Variants in ATG2B observed in about 807,000 individuals in gnomAD.
ATG2B encodes the protein autophagy-related protein 2 homolog B.
A neutral mutation model predicts 241.3 loss-of-function variants in ATG2B; 121 were observed. The observed-to-expected ratio is 0.50, with a 90% confidence interval of 0.43 to 0.58. ATG2B has a LOEUF of 0.58. Ranked by LOEUF, ATG2B falls within the 20% of genes least tolerant of loss-of-function variation. The pLI is 0.00. For synonymous variants in ATG2B, 858 were observed against 876.6 expected (o/e 0.98, Z 0.37); for missense variants, 2,306 against 2,491.6 (o/e 0.93, Z 1.59).
At chr14:96,312,495 C>T (rs952875296) in intron 25 of ATG2B, among the ~76,000 whole-genome samples, 4 of 152,018 alleles carry the variant, frequency 2.6e-5, no homozygotes, top group Non-Finnish European at 5.9e-5. Flanking sequence ...TAATCCCAGC[C>T]GTTTGGGAGG....
intron 14 of ATG2B, among the ~76,000 whole-genome samples, chr14:96,326,282 G>A (rs1887586799): frequency 6.6e-6 from 1 of 152,126 alleles, no homozygotes; most frequent in Non-Finnish European, 1.5e-5. Flanking sequence ...AAAAATCACT[G>A]TAGTGTCCAA....
At chr14:96,316,401 G>A in intron 21 of ATG2B, 132 bp downstream of exon 21, 1 of 871,786 alleles carries the variant, frequency 1.1e-6, no homozygotes, top group South Asian at 1.6e-5. Context: ...ATATTACTTT[G>A]ACAGCAGAAT....
At chr14:96,353,014 ATTT>A (rs1314294950) in intron 1 of ATG2B, among the ~76,000 whole-genome samples, 1 of 152,102 alleles carries the variant, frequency 6.6e-6, no homozygotes, top group African/African-American at 2.4e-5. Flanking sequence ...TAAAATTTTT[ATTT>A]TTTATATTTT....
intron 1 of ATG2B, among the ~76,000 whole-genome samples, chr14:96,356,165 C>T (rs866950080): frequency 1.3e-4 from 7 of 55,296 alleles, no homozygotes; most frequent in South Asian, 1.1e-3. Flanking sequence ...AGCAAGAATG[C>T]GGCTCAAAAA....
chr14:96,291,983 G>C (rs747535505), intron 37 of ATG2B, 46 bp downstream of exon 37: 2 of 1,308,400 alleles, frequency 1.5e-6, no homozygotes, highest in African/African-American at 3.0e-5. Context: ...GCTCATTAGA[G>C]AAACATATGA....
chr14:96,354,039 A>G (rs1369786239), intron 1 of ATG2B, among the ~76,000 whole-genome samples: 1 of 152,240 alleles, frequency 6.6e-6, no homozygotes, highest in Non-Finnish European at 1.5e-5. Flanking sequence ...AATAAAAAGT[A>G]AGTCAATTTT....
chr14:96,332,733 T>A (rs1887774462), intron 8 of ATG2B, 78 bp from the exon 9 acceptor site: 2 of 1,163,254 alleles, frequency 1.7e-6, no homozygotes, highest in Non-Finnish European at 2.3e-6. Context: ...TATACGTTAA[T>A]ACAATCCTCT....
intron 14 of ATG2B, among the ~76,000 whole-genome samples, chr14:96,326,702 C>A (rs1195028660): frequency 6.6e-6 from 1 of 152,144 alleles, no homozygotes; most frequent in African/African-American, 2.4e-5. Context: ...TTTGAAAACT[C>A]CCTGCATATG....
At chr14:96,307,633 A>G (rs925234066) in intron 29 of ATG2B, among the ~76,000 whole-genome samples, 1 of 151,916 alleles carries the variant, frequency 6.6e-6, no homozygotes, top group Non-Finnish European at 1.5e-5. Flanking sequence ...ACAATATTAC[A>G]ATGTGAGGGG....
intron 18 of ATG2B, among the ~76,000 whole-genome samples, chr14:96,319,984 G>T (rs1281767397): frequency 6.6e-6 from 1 of 152,094 alleles, no homozygotes; most frequent in African/African-American, 2.4e-5. Flanking sequence ...AATTCTAGGG[G>T]CCTGAGAGAC....
chr14:96,309,962 A>G (rs996689906), intron 28 of ATG2B, among the ~76,000 whole-genome samples: 1 of 152,184 alleles, frequency 6.6e-6, no homozygotes, highest in Non-Finnish European at 1.5e-5. Context: ...TCCCTTTGAC[A>G]TAAAGCCCCT....
At chr14:96,362,570 T>G (rs529617824) in intron 1 of ATG2B, among the ~76,000 whole-genome samples, 2 of 152,300 alleles carry the variant, frequency 1.3e-5, no homozygotes, top group Admixed American at 6.5e-5. Flanking sequence ...AAGCACTGAC[T>G]CAATTATTCC....
chr14:96,308,255 C>T (rs11160329), intron 29 of ATG2B, among the ~76,000 whole-genome samples: 9,685 of 28,708 alleles, frequency 0.34, 1,151 homozygotes, highest in Non-Finnish European at 0.41. Context: ...TATATATACA[C>T]ACATATATAT....
intron 29 of ATG2B, among the ~76,000 whole-genome samples, chr14:96,308,264 ATATATATATATATATATATTTT>A (rs1887040654): frequency 1.6e-4 from 2 of 12,626 alleles, no homozygotes; most frequent in African/African-American, 4.0e-4. Context: ...ACACATATAT[ATATATATATATATATATATTTT>A]TTTTTTTTTT....
intron 14 of ATG2B, among the ~76,000 whole-genome samples, chr14:96,327,096 T>C (rs1887605593): frequency 6.6e-6 from 1 of 151,958 alleles, no homozygotes; most frequent in Non-Finnish European, 1.5e-5. Context: ...CTTAACCGGG[T>C]GTGGTGGCAC....
chr14:96,304,333 A>T (rs527665436), intron 32 of ATG2B, among the ~76,000 whole-genome samples, 162 bp downstream of exon 32: 4 of 152,350 alleles, frequency 2.6e-5, no homozygotes, highest in Non-Finnish European at 5.9e-5. Context: ...TTCTTAGAAC[A>T]TTTGAGAATG....
rs1394459445 is a variant in ATG2B, at chr14:96,283,430, G to C, written c.*2325C>G. ...GAGGACTCTCACTGGACGAGGCCCA[G>C]TGGTCTGAGGCTCTGTACAAAGCAT... is the stretch of plus-strand genomic sequence containing the variant. On this transcript the variant is annotated 3_prime_UTR_variant, in exon 42 of 42. Transcript: ENST00000359933. 6.6e-6 allele frequency: 1 copy of C among 152,222 alleles called. No homozygotes were observed. The highest frequency in any genetic ancestry group is 1.5e-5 in the Non-Finnish European group (1 of 68,070). 9.4% of individuals were successfully genotyped at this position (152,222 alleles called of 1,614,324 possible).
chr14:96,348,031 C>G (rs916877117), intron 1 of ATG2B, among the ~76,000 whole-genome samples: 1 of 152,214 alleles, frequency 6.6e-6, no homozygotes, highest in African/African-American at 2.4e-5. Context: ...GATATCCACG[C>G]TCCCATGTTT....
chr14:96,281,252 G>A lies in ATG2B; in HGVS notation c.*4503C>T, dbSNP rs1270234166. On this transcript the variant is annotated 3_prime_UTR_variant, in exon 42 of 42. Transcript: ENST00000359933. ...TCTTGGTGAAAGACAAGTGTTTAAA[G>A]CAAAATCCAAAGAGTAAATATTTTA... is the stretch of plus-strand genomic sequence containing the variant. 6.6e-6 allele frequency: 1 copy of A among 152,136 alleles called. No individual in the cohort carries two copies. Among genetic ancestry groups the A allele is most frequent in the Non-Finnish European group, 1.5e-5 (1 of 68,020 alleles). The allele number at this position is 152,136 out of a possible 1,614,324, so 9.4% of individuals were successfully genotyped here.
Sources: allele counts gnomAD v4.1 joint callset (sites outside exome capture counted in the v4.1 genomes callset), GRCh38; gene constraint gnomAD v4.1.1; transcripts MANE v1.5; gene names NCBI Gene and HGNC (gene_info 2026-07-23, HGNC 2026-07-21).